PUF60: variants seen among roughly 807,000 people sequenced by gnomAD.
PUF60 encodes the protein poly(U)-binding-splicing factor PUF60.
Under a neutral mutation model 61.8 loss-of-function variants are expected in PUF60, and 10 were observed. That is an observed-to-expected ratio of 0.16 (90% CI 0.10 to 0.27). The LOEUF (loss-of-function observed/expected upper bound fraction) is 0.27, where lower values mean the gene tolerates loss of function less well. Among genes scored for constraint, PUF60 ranks in the 10% least tolerant of loss-of-function variants. PUF60 has a pLI of 1.00. For synonymous variants in PUF60, 353 were observed against 300.9 expected (o/e 1.17, Z -1.79); for missense variants, 371 against 754.0 (o/e 0.49, Z 5.95).
Position 143,821,852 on chromosome 8 carries a change from G to A in PUF60, c.173C>T (p.Pro58Leu), listed in dbSNP as rs757553758. The change falls in exon 3 of 12, where the codon CCC (proline) becomes CTC (leucine). Residue 58 changes from proline to leucine, a missense_variant. Coordinates refer to ENST00000526683, the MANE Select transcript of PUF60 (RefSeq NM_078480.3). ...QSTAAKLGLP[P>L]LTPEQQEALQ... Reference sequence around the variant, plus strand: ...GGCCTCCTGCTGCTCGGGCGTCAGGGGAGGCAGCCCCAGCTTGGCGGCTGT... The same window carrying A: ...GGCCTCCTGCTGCTCGGGCGTCAGGAGAGGCAGCCCCAGCTTGGCGGCTGT... 3 of 1,611,016 alleles carry A rather than the reference G, an allele frequency of 1.9e-6. No individual in the cohort carries two copies. The highest frequency in any genetic ancestry group is 2.2e-5 in the East Asian group (1 of 44,864).
Position 143,817,349 on chromosome 8 carries a change from C to T in PUF60, c.1126G>A (p.Ala376Thr). 6.3e-7 allele frequency: 1 copy of T among 1,593,714 alleles called. No homozygotes were observed. Among genetic ancestry groups the T allele is most frequent in the Middle Eastern group, 1.7e-4 (1 of 5,976 alleles). Residue 376 changes from alanine (A) to threonine (T), a missense_variant, in exon 10 of 12, where the codon GCA becomes ACA. This residue lies in a region of PUF60 where 31 missense variants were observed against 61.6 expected (regional missense o/e 0.50). Coordinates refer to ENST00000526683, the MANE Select transcript of PUF60 (RefSeq NM_078480.3). The surrounding 1 kb of genome is among the most constrained non-coding windows in gnomAD (Gnocchi z 7.4). ...GACTCACCTGTGATGACTCCAGGTG[C>T]CTGGGCAGCCATGACAGCCTGGGGC... ...TLPQAVMAAQ[A>T]PGVITGVTPA...
Position 143,818,102 on chromosome 8 carries a change from G to T in PUF60, c.604-27C>A. The stretch of plus-strand genomic sequence containing the variant: ...TGGGGAAGAGGCGGTGAGATGGAAA[G>T]ACCGGTCAACCCAGGCCCGGCCACA... On this transcript the variant is annotated intron_variant, in intron 7 of 11. Transcript: ENST00000526683. The surrounding 1 kb of genome is among the most constrained non-coding windows in gnomAD (Gnocchi z 7.9). 6.2e-7 allele frequency: 1 copy of T among 1,608,022 alleles called. No homozygotes were observed. The highest frequency in any genetic ancestry group is 8.5e-7 in the Non-Finnish European group (1 of 1,177,404).
intron 5 of PUF60, among the ~76,000 whole-genome samples, chr8:143,819,892 CCATT>C (rs1489012401): frequency 6.6e-6 from 1 of 152,164 alleles, no homozygotes; most frequent in Non-Finnish European, 1.5e-5. Context: ...GCCCGGGCTC[CCATT>C]CAGATGCTTC....
intron 2 of PUF60, chr8:143,822,896 C>T (rs1265908045): frequency 2.3e-5 from 7 of 306,914 alleles, no homozygotes; most frequent in Non-Finnish European, 3.9e-5. Context: ...CAGACACAGC[C>T]TTGAGGGACA....
In PUF60 at chr8:143,818,132, G is replaced by A; in HGVS notation, c.604-57C>T. On this transcript the variant is annotated intron_variant, in intron 7 of 11. Coordinates refer to ENST00000526683, the MANE Select transcript of PUF60 (RefSeq NM_078480.3). This position sits in a 1 kb window ranked among gnomAD's most constrained non-coding sequence, Gnocchi z 7.9. ...GTCAACCCAGGCCCGGCCACAAAAG[G>A]CTTCCGTGGAGGGGCAGCCCTGCAC... is the stretch of plus-strand genomic sequence containing the variant. 1 of 1,601,814 alleles carries A rather than the reference G, an allele frequency of 6.2e-7. No individual in the cohort carries two copies. The highest frequency in any genetic ancestry group is 8.5e-7 in the Non-Finnish European group (1 of 1,174,408).
Position 143,817,935 on chromosome 8 carries a change from G to A in PUF60, c.744C>T (p.Ala248=). 6.2e-7 allele frequency: 1 copy of A among 1,612,886 alleles called. No individual in the cohort carries two copies. The highest frequency in any genetic ancestry group is 8.5e-7 in the Non-Finnish European group (1 of 1,179,858). ...GTGTGCAGGACTTGATCTTGCCAAA[G>A]GCCTCAAACACGCTCTTGATGTCAT... ...SDDDIKSVFE[A]FGKIKSCTLA... Residue 248 remains alanine (A), a synonymous_variant, in exon 8 of 12, where the codon GCC becomes GCT. Transcript: ENST00000526683. The surrounding 1 kb of genome is among the most constrained non-coding windows in gnomAD (Gnocchi z 7.4).
At chr8:143,828,949 G>A in intron 1 of PUF60, 1 of 987,990 alleles carries the variant, frequency 1.0e-6, no homozygotes, top group Non-Finnish European at 1.2e-6. Flanking sequence ...CACCCCCGTC[G>A]GCAAAGGGAG....
intron 1 of PUF60, among the ~76,000 whole-genome samples, chr8:143,828,279 T>G (rs929087338): frequency 2.9e-4 from 44 of 152,216 alleles, no homozygotes; most frequent in African/African-American, 9.6e-4. Flanking sequence ...CAGTCCAGCC[T>G]TCAGCCATTT....
chr8:143,818,752 C>T lies in PUF60; in HGVS notation c.349-218G>A, dbSNP rs1816677705. ...CCAGGCCCAGCGGCAGGACAGGACG[C>T]ACCCCAGCCCGCCAAGGTCCCAGGC... On this transcript the variant is annotated intron_variant, in intron 5 of 11. Coordinates refer to ENST00000526683, the MANE Select transcript of PUF60 (RefSeq NM_078480.3). This position sits in a 1 kb window ranked among gnomAD's most constrained non-coding sequence, Gnocchi z 7.9. The T allele has an allele frequency of 3.4e-6, 2 of 584,918 alleles. No individual in the cohort carries two copies. Among genetic ancestry groups the T allele is most frequent in the Admixed American group, 6.3e-5 (2 of 31,614 alleles). 36.2% of individuals were successfully genotyped at this position (584,918 alleles called of 1,614,324 possible). A position where few individuals can be genotyped will look rare whatever the true frequency, so the allele number is the denominator to read the frequency against.
intron 4 of PUF60, 132 bp downstream of exon 4, chr8:143,821,465 A>G (rs1817011342): frequency 2.3e-6 from 2 of 854,934 alleles, no homozygotes; most frequent in South Asian, 3.2e-5. Flanking sequence ...GGTCCCGAGC[A>G]TGAGTCTTTG....
At chr8:143,827,536 G>C (rs1395382046) in intron 1 of PUF60, 1 of 444,044 alleles carries the variant, frequency 2.3e-6, no homozygotes, top group Admixed American at 2.4e-5. Flanking sequence ...TCCCATGAGA[G>C]CTGAAGCAGC....
At chr8:143,822,690 G>A in intron 2 of PUF60, 3 of 407,910 alleles carry the variant, frequency 7.4e-6, no homozygotes, top group South Asian at 1.7e-5. Context: ...ATGCCAACCA[G>A]GATTATGTTT....
rs188304129 is a variant in PUF60 at position 143,820,944 on chromosome 8, G to A, written c.298-228C>T. 3.0e-3 allele frequency among the ~76,000 whole-genome samples: 455 copies of A among 152,260 alleles called. 1 individual carries two copies. The highest frequency in any genetic ancestry group is 0.011 in the African/African-American group (439 of 41,558). ...GCCGGCTGGGGCAGAAAGGAAGGGA[G>A]GGAGGAAGGGAGGGAGGGAGGAGGG... On this transcript the variant is annotated intron_variant, in intron 4 of 11. Coordinates refer to ENST00000526683, the MANE Select transcript of PUF60 (RefSeq NM_078480.3).
At chr8:143,829,000 C>T in intron 1 of PUF60, 2 of 993,982 alleles carry the variant, frequency 2.0e-6, no homozygotes, top group Non-Finnish European at 2.4e-6. Flanking sequence ...GACAGGAACG[C>T]AACCCCGCCA....
chr8:143,820,611 C>A, intron 5 of PUF60, 55 bp downstream of exon 5: 5 of 1,563,144 alleles, frequency 3.2e-6, no homozygotes, highest in South Asian at 1.1e-5. Context: ...GCACTGCCCC[C>A]CTCTAGCCCT....
chr8:143,829,110 C>T, intron 1 of PUF60, 170 bp downstream of exon 1: 5 of 1,151,674 alleles, frequency 4.3e-6, no homozygotes, highest in African/African-American at 1.6e-5. Context: ...AGCCGGCCGC[C>T]GGCGCGCGCC....
chr8:143,820,612 C>A (rs1816900298), intron 5 of PUF60, 54 bp downstream of exon 5: 1 of 1,573,160 alleles, frequency 6.4e-7, no homozygotes, highest in African/African-American at 1.4e-5. Flanking sequence ...CACTGCCCCC[C>A]TCTAGCCCTG....
chr8:143,817,815 C>G lies in PUF60; in HGVS notation c.818-33G>C. ...CAGGAGCAGCAGTGAGCAGGGCCAG[C>G]CCCAGCCTCAGGTGGCCCCCATCCC... On this transcript the variant is annotated intron_variant, in intron 8 of 11. Coordinates refer to ENST00000526683, the MANE Select transcript of PUF60 (RefSeq NM_078480.3). This position sits in a 1 kb window ranked among gnomAD's most constrained non-coding sequence, Gnocchi z 7.4. 6.2e-7 allele frequency: 1 copy of G among 1,607,236 alleles called. No homozygotes were observed. The highest frequency in any genetic ancestry group is 8.5e-7 in the Non-Finnish European group (1 of 1,177,002).
intron 1 of PUF60, chr8:143,828,957 G>T: frequency 1.0e-6 from 1 of 988,790 alleles, no homozygotes; most frequent in South Asian, 4.7e-5. Context: ...TCGGCAAAGG[G>T]AGGACGACGA....
Sources: gnomAD v4.1 joint callset for allele counts (sites outside exome capture counted in the v4.1 genomes callset) on GRCh38, gnomAD v4.1.1 for gene constraint, gnomAD v4.1.1 regional missense constraint, Gnocchi (gnomAD v3.1) non-coding constraint, MANE v1.5 for transcripts, NCBI Gene and HGNC (gene_info 2026-07-23, HGNC 2026-07-21) for gene names.